Variants in MGAT4C observed in about 807,000 individuals in gnomAD.
The protein encoded by MGAT4C is MGAT4 family member C.
MGAT4C carries 19 observed loss-of-function variants against 40.1 expected under a neutral mutation model. The observed-to-expected ratio is 0.47, with a 90% CI of 0.33 to 0.70. MGAT4C has a LOEUF of 0.70. Among genes scored for constraint, MGAT4C ranks in the 30% least tolerant of loss-of-function variants. The probability of loss-of-function intolerance (pLI) is 0.02; values close to 1 mark genes in which losing one functional copy is unlikely to be tolerated. For synonymous variants in MGAT4C, 181 were observed against 187.1 expected, an observed-to-expected ratio of 0.97 and a Z score of 0.27; for missense variants, 491 against 563.2, an observed-to-expected ratio of 0.87 and a Z score of 1.30.
chr12:86,400,854 T>C (rs1956343581), intron 3 of MGAT4C, among the ~76,000 whole-genome samples: 1 of 152,134 alleles, frequency 6.6e-6, no homozygotes, highest in South Asian at 2.1e-4. Flanking sequence ...GCTGCATGAC[T>C]TGTGAGTAAT....
intron 2 of MGAT4C, among the ~76,000 whole-genome samples, chr12:86,716,365 C>A (rs928838146): frequency 1.7e-4 from 26 of 151,900 alleles, no homozygotes; most frequent in African/African-American, 4.8e-4. Context: ...ATATGTTGGC[C>A]CTACCTAATA....
chr12:86,214,280 A>T (rs979242066), intron 1 of MGAT4C, among the ~76,000 whole-genome samples: 5 of 151,944 alleles, frequency 3.3e-5, no homozygotes, highest in Admixed American at 2.6e-4. Flanking sequence ...AGATCAAAGC[A>T]TCAGAGATAC....
chr12:86,154,895 A>G (rs1884737235), intron 1 of MGAT4C, among the ~76,000 whole-genome samples: 1 of 152,174 alleles, frequency 6.6e-6, no homozygotes, highest in Non-Finnish European at 1.5e-5. Context: ...TAAGACAGCT[A>G]TGTCCATGGA....
intron 2 of MGAT4C, among the ~76,000 whole-genome samples, chr12:86,588,832 T>C (rs1205847049): frequency 6.6e-6 from 1 of 151,696 alleles, no homozygotes; most frequent in African/African-American, 2.4e-5. Context: ...AAGGCAGAAA[T>C]AAAGATGTTC....
At chr12:86,235,118 A>G (rs1362513184) in intron 1 of MGAT4C, among the ~76,000 whole-genome samples, 2 of 151,994 alleles carry the variant, frequency 1.3e-5, no homozygotes, top group African/African-American at 4.8e-5. Flanking sequence ...TCATAGGTTT[A>G]TTTATATTTG....
At chr12:86,205,433 A>T (rs1240060002) in intron 1 of MGAT4C, among the ~76,000 whole-genome samples, 1 of 151,586 alleles carries the variant, frequency 6.6e-6, no homozygotes, top group Non-Finnish European at 1.5e-5. Flanking sequence ...GAGTTTGAAG[A>T]GTAACAAATA....
intron 1 of MGAT4C, among the ~76,000 whole-genome samples, chr12:86,222,843 C>T (rs532190630): frequency 9.2e-5 from 14 of 152,196 alleles, no homozygotes; most frequent in African/African-American, 2.4e-5. Flanking sequence ...AGAAGCAAGT[C>T]GATTGGCAGG....
intron 3 of MGAT4C, among the ~76,000 whole-genome samples, chr12:86,343,140 C>T (rs1005512392): frequency 3.9e-5 from 6 of 152,072 alleles, no homozygotes; most frequent in African/African-American, 1.4e-4. Context: ...TACTTCAGTT[C>T]CAGGTAAACT....
chr12:86,732,295 G>C lies in MGAT4C; in HGVS notation c.-261-5054C>G, dbSNP rs889362121. The stretch of plus-strand genomic sequence containing the variant: ...CCAATCTTTTTGGCACTAGGGACTG[G>C]TTTCGTGGAAAACAATTTTTTCACA... On this transcript the variant is annotated intron_variant, in intron 1 of 7. Transcript: ENST00000548651. 3.9e-5 allele frequency among the ~76,000 whole-genome samples: 6 copies of C among 152,106 alleles called. No homozygotes were observed. In the East Asian group the frequency reaches 9.7e-4, roughly 24 times the overall value.
intron 2 of MGAT4C, among the ~76,000 whole-genome samples, chr12:86,000,685 A>G (rs1887196027): frequency 1.3e-5 from 2 of 152,220 alleles, no homozygotes; most frequent in Non-Finnish European, 2.9e-5. Flanking sequence ...CATTTTTATT[A>G]AATTTTATTT....
rs1042975034 is a variant in MGAT4C at position 86,399,876 on chromosome 12, CGTAA to C, written c.-120+35277_-120+35280del. On this transcript the variant is annotated intron_variant, in intron 3 of 7. Coordinates refer to the MGAT4C transcript ENST00000548651. ...ATATGCTTTATAATTAACAGGTAAA[CGTAA>C]GTGTTTCTTTGTGTTCTGTGTCCCA... Among the ~76,000 whole-genome samples the C allele has an allele frequency of 2.5e-4, 38 of 152,160 alleles. 1 individual carries two copies. Among genetic ancestry groups the C allele is most frequent in the African/African-American group, 8.9e-4 (37 of 41,432 alleles).
At chr12:86,426,649 C>T (rs191448613) in intron 3 of MGAT4C, among the ~76,000 whole-genome samples, 1 of 152,032 alleles carries the variant, frequency 6.6e-6, no homozygotes, top group African/African-American at 2.4e-5. Flanking sequence ...ACTACAAGTT[C>T]AAGATAAAAA....
At chr12:86,240,470 G>C (rs7963256) in intron 1 of MGAT4C, among the ~76,000 whole-genome samples, 3,210 of 151,540 alleles carry the variant, frequency 0.021, 94 homozygotes, top group African/African-American at 0.073. Flanking sequence ...ATATTTATTG[G>C]ATAACTTTTA....
chr12:86,450,694 C>A (rs576418131), intron 2 of MGAT4C, among the ~76,000 whole-genome samples: 1 of 152,040 alleles, frequency 6.6e-6, no homozygotes, highest in South Asian at 2.1e-4. Flanking sequence ...ACCTGGTGAT[C>A]AAGCTTCTTT....
At chr12:86,287,430 C>T (rs924763934) in intron 4 of MGAT4C, among the ~76,000 whole-genome samples, 4 of 150,944 alleles carry the variant, frequency 2.6e-5, no homozygotes, top group Non-Finnish European at 5.9e-5. Context: ...TAGGTATAAA[C>T]GTGCCATGGT....
chr12:86,761,926 C>A (rs749789325), intron 1 of MGAT4C, among the ~76,000 whole-genome samples: 2 of 151,982 alleles, frequency 1.3e-5, no homozygotes, highest in African/African-American at 4.8e-5. Flanking sequence ...GAATAATATT[C>A]ATAGTTTCTT....
At chr12:86,042,642 G>C (rs1029252438) in intron 2 of MGAT4C, among the ~76,000 whole-genome samples, 1 of 152,004 alleles carries the variant, frequency 6.6e-6, no homozygotes, top group Non-Finnish European at 1.5e-5. Flanking sequence ...GAGGTGGGCA[G>C]ATCACAGGGT....
intron 1 of MGAT4C, among the ~76,000 whole-genome samples, chr12:86,176,312 CTTTG>C (rs1264931403): frequency 6.6e-6 from 1 of 152,142 alleles, no homozygotes; most frequent in African/African-American, 2.4e-5. Flanking sequence ...TGCTTTGCAA[CTTTG>C]TTTACCTGGG....
At chr12:86,550,528 T>G (rs947286131) in intron 2 of MGAT4C, among the ~76,000 whole-genome samples, 1 of 152,104 alleles carries the variant, frequency 6.6e-6, no homozygotes, top group African/African-American at 2.4e-5. Flanking sequence ...ACCTCTGGAG[T>G]GTGCCCTGCT....
Sources: gnomAD v4.1 joint callset for allele counts (sites outside exome capture counted in the v4.1 genomes callset) on GRCh38, gnomAD v4.1.1 for gene constraint, MANE v1.5 for transcripts, NCBI Gene and HGNC (gene_info 2026-07-23, HGNC 2026-07-21) for gene names.